Variants in TDRD3 observed in about 807,000 individuals in gnomAD.
TDRD3 encodes tudor domain containing 3.
In TDRD3, 45 loss-of-function variants were observed where a neutral mutation model predicts 86.7. The observed-to-expected ratio is 0.52, with a 90% CI of 0.41 to 0.67. TDRD3 has a LOEUF of 0.67. Ranked by LOEUF, TDRD3 falls within the 30% of genes least tolerant of loss-of-function variation. TDRD3 has a pLI of 0.00. For synonymous variants in TDRD3, 298 were observed against 301.7 expected, an observed-to-expected ratio of 0.99 and a Z score of 0.13; for missense variants, 814 against 889.0, an observed-to-expected ratio of 0.92 and a Z score of 1.07.
chr13:60,497,120 C>G (rs765524000), intron 8 of TDRD3, among the ~76,000 whole-genome samples: 1 of 152,166 alleles, frequency 6.6e-6, no homozygotes, highest in African/African-American at 2.4e-5. Flanking sequence ...ACAGTGGACA[C>G]CCTGCTGGAT....
intron 1 of TDRD3, among the ~76,000 whole-genome samples, chr13:60,431,619 TTAAA>T (rs1430755398): frequency 1.3e-5 from 2 of 150,772 alleles, no homozygotes; most frequent in Non-Finnish European, 3.0e-5. Context: ...AAGAAGATTC[TTAAA>T]TAGTGTTAAG....
chr13:60,573,470 TAGC>T lies in TDRD3; in HGVS notation c.*10-143_*10-141del, dbSNP rs1958633344. On this transcript the variant is annotated intron_variant, in intron 13 of 13. Coordinates refer to ENST00000377881, the MANE Select transcript of TDRD3 (RefSeq NM_001146070.2). Reference sequence around the variant, plus strand: ...TGCTTTATAAAGATTGTTTACAAATTAGCAGTATCCAAAATTCTAGTTAAGATC... The same window carrying T: ...TGCTTTATAAAGATTGTTTACAAATTAGTATCCAAAATTCTAGTTAAGATC... 1.8e-5 allele frequency: 7 copies of T among 396,598 alleles called. No homozygotes were observed. The South Asian group carries it at 5.2e-4, about 29-fold the overall frequency. 24.6% of individuals were successfully genotyped at this position (396,598 alleles called of 1,614,324 possible).
At chr13:60,442,934 C>T (rs1397786357) in intron 2 of TDRD3, among the ~76,000 whole-genome samples, 1 of 151,874 alleles carries the variant, frequency 6.6e-6, no homozygotes, top group Non-Finnish European at 1.5e-5. Context: ...AATTAAATTT[C>T]ATAATTATTG....
At chr13:60,520,452 G>A (rs990787048) in intron 10 of TDRD3, among the ~76,000 whole-genome samples, 3 of 152,158 alleles carry the variant, frequency 2.0e-5, no homozygotes, top group Non-Finnish European at 4.4e-5. Context: ...CCTCTTGGAC[G>A]ACTCTTCCCT....
chr13:60,520,421 T>A (rs1482274406), intron 10 of TDRD3, among the ~76,000 whole-genome samples: 1 of 152,166 alleles, frequency 6.6e-6, no homozygotes, highest in East Asian at 1.9e-4. Flanking sequence ...TAGCCCAAGA[T>A]CTTTGTATGT....
chr13:60,418,508 C>G (rs1954579269), intron 1 of TDRD3, among the ~76,000 whole-genome samples: 1 of 152,018 alleles, frequency 6.6e-6, no homozygotes, highest in Non-Finnish European at 1.5e-5. Context: ...ATTCTTGGGA[C>G]TAGTACAGTG....
intron 2 of TDRD3, among the ~76,000 whole-genome samples, chr13:60,442,723 C>CT (rs1031611922): frequency 1.3e-5 from 2 of 151,890 alleles, no homozygotes; most frequent in Admixed American, 6.6e-5. Flanking sequence ...AGCGTGTAGT[C>CT]TTTTTTTAGC....
intron 1 of TDRD3, among the ~76,000 whole-genome samples, chr13:60,400,891 A>G (rs1255964011): frequency 6.6e-6 from 1 of 152,232 alleles, no homozygotes; most frequent in Non-Finnish European, 1.5e-5. Flanking sequence ...TGTCTAGAAT[A>G]AAGATTCAGT....
At chr13:60,522,823 C>T (rs538092767) in intron 10 of TDRD3, among the ~76,000 whole-genome samples, 11 of 152,222 alleles carry the variant, frequency 7.2e-5, no homozygotes, top group African/African-American at 2.6e-4. Context: ...TACATCTCAC[C>T]AGAAATGAAC....
intron 1 of TDRD3, among the ~76,000 whole-genome samples, chr13:60,434,347 A>G (rs1037244981): frequency 2.6e-5 from 4 of 151,936 alleles, no homozygotes; most frequent in African/African-American, 9.7e-5. Context: ...GAGTGCCTGT[A>G]ATCCCAGCTA....
intron 5 of TDRD3, among the ~76,000 whole-genome samples, chr13:60,468,195 T>C (rs1005390251): frequency 2.0e-5 from 3 of 152,228 alleles, no homozygotes; most frequent in African/African-American, 7.2e-5. Flanking sequence ...AATTTTCAAC[T>C]TTCTAAATTC....
intron 2 of TDRD3, among the ~76,000 whole-genome samples, chr13:60,441,255 A>G (rs1357035290): frequency 6.6e-6 from 1 of 152,128 alleles, no homozygotes; most frequent in East Asian, 1.9e-4. Context: ...AGATTCTAGG[A>G]AAGAGATTTT....
At chr13:60,402,677 G>C (rs961585617) in intron 1 of TDRD3, among the ~76,000 whole-genome samples, 1 of 145,414 alleles carries the variant, frequency 6.9e-6, no homozygotes. Flanking sequence ...AAGAACATTA[G>C]AGGAAACCAA....
chr13:60,509,331 G>T (rs1006083132), intron 8 of TDRD3, among the ~76,000 whole-genome samples: 1 of 151,884 alleles, frequency 6.6e-6, no homozygotes, highest in Non-Finnish European at 1.5e-5. Context: ...GCTCCTGGGG[G>T]GTATCATTTT....
chr13:60,517,864 C>T (rs1265537026), intron 10 of TDRD3, among the ~76,000 whole-genome samples: 2 of 152,114 alleles, frequency 1.3e-5, no homozygotes, highest in African/African-American at 2.4e-5. Context: ...GTTTAGAAAC[C>T]GCTTTAGCAA....
intron 11 of TDRD3, among the ~76,000 whole-genome samples, chr13:60,534,230 T>A (rs1957648427): frequency 6.6e-6 from 1 of 152,180 alleles, no homozygotes; most frequent in Admixed American, 6.5e-5. Context: ...AGAGGACAAC[T>A]TGAGCCCAGG....
chr13:60,455,138 C>T (rs1166559674), intron 3 of TDRD3, among the ~76,000 whole-genome samples: 7 of 152,300 alleles, frequency 4.6e-5, no homozygotes, highest in African/African-American at 7.2e-5. Context: ...GTCTGGAACT[C>T]CTGACCTCAG....
At chr13:60,434,959 G>T (rs1423930206) in intron 1 of TDRD3, among the ~76,000 whole-genome samples, 1 of 152,124 alleles carries the variant, frequency 6.6e-6, no homozygotes, top group Admixed American at 6.6e-5. Context: ...TTCAGTTACT[G>T]TGTTACTGAA....
At chr13:60,432,756 A>G (rs1954985715) in intron 1 of TDRD3, among the ~76,000 whole-genome samples, 1 of 152,112 alleles carries the variant, frequency 6.6e-6, no homozygotes, top group Non-Finnish European at 1.5e-5. Context: ...TATTTTTTAA[A>G]TTATCTTTTA....
Sources: gnomAD v4.1 joint callset for allele counts (sites outside exome capture counted in the v4.1 genomes callset) on GRCh38, gnomAD v4.1.1 for gene constraint, MANE v1.5 for transcripts, NCBI Gene and HGNC (gene_info 2026-07-23, HGNC 2026-07-21) for gene names.